Variants in NXN observed in about 807,000 individuals in gnomAD.
The protein encoded by NXN is nucleoredoxin 1.
NXN carries 16 observed loss-of-function variants against 48.6 expected under a neutral mutation model. That is an observed-to-expected ratio of 0.33 (90% CI 0.22 to 0.50). NXN has a LOEUF of 0.50. Ranked by LOEUF, NXN falls within the 20% of genes least tolerant of loss-of-function variation. The pLI is 0.98. For synonymous variants in NXN, 281 were observed against 269.6 expected, an observed-to-expected ratio of 1.04 and a Z score of -0.41; for missense variants, 492 against 605.5, an observed-to-expected ratio of 0.81 and a Z score of 1.97.
chr17:827,856 G>A (rs533985012), intron 1 of NXN, among the ~76,000 whole-genome samples: 11 of 152,276 alleles, frequency 7.2e-5, no homozygotes. Flanking sequence ...GGCATTGGTG[G>A]TGGGATGAGG....
rs554292683 is a variant in NXN at position 799,321 on chromosome 17, A to C, written c.*1628T>G. On this transcript the variant is annotated 3_prime_UTR_variant, in exon 8 of 8. Coordinates refer to ENST00000336868, the MANE Select transcript of NXN (RefSeq NM_022463.5). ...CAAGCAAAAACAACTTTTGTGATCA[A>C]GGACAGCAGAGGCCCAGGGTGGATG... 1 of 152,310 alleles carries C rather than the reference A, an allele frequency of 6.6e-6. No individual in the cohort carries two copies. The highest frequency in any genetic ancestry group is 2.4e-5 in the African/African-American group (1 of 41,452). The allele number at this position is 152,310 out of a possible 1,614,324, so 9.4% of individuals were successfully genotyped here. A position where few individuals can be genotyped will look rare whatever the true frequency, so the allele number is the denominator to read the frequency against.
chr17:940,128 C>G (rs535859253), intron 1 of NXN, among the ~76,000 whole-genome samples: 2 of 140,172 alleles, frequency 1.4e-5, no homozygotes, highest in Non-Finnish European at 3.2e-5. Flanking sequence ...TGGTAGAGAT[C>G]GAGGTGGGGG....
chr17:930,067 G>C (rs1257695939), intron 1 of NXN: 1 of 151,914 alleles, frequency 6.6e-6, no homozygotes, highest in Non-Finnish European at 1.5e-5. Context: ...CTGTGTAGCC[G>C]ACCCAGAGAA....
chr17:815,445 T>C (rs1290917885), intron 5 of NXN, among the ~76,000 whole-genome samples: 3 of 149,172 alleles, frequency 2.0e-5, no homozygotes, highest in Non-Finnish European at 4.4e-5. Flanking sequence ...CCCTAAGCTC[T>C]GTAGGTTTTG....
Position 932,097 on chromosome 17 carries a change from TTG to T in NXN, c.360+47220_360+47221del, listed in dbSNP as rs1485297849. ...AGACGGAGGTTGCAGTGAGCTGAGATTGCACCACTGCACTCCAGCCTGGGCAA... is the reference window on the plus strand; with the variant it reads ...AGACGGAGGTTGCAGTGAGCTGAGATCACCACTGCACTCCAGCCTGGGCAA... On this transcript the variant is annotated intron_variant, in intron 1 of 7. Coordinates refer to ENST00000336868, the MANE Select transcript of NXN (RefSeq NM_022463.5). The surrounding 1 kb of genome is among the most constrained non-coding windows in gnomAD (Gnocchi z 4.1). Among the ~76,000 whole-genome samples, 1 of 151,726 alleles carries T rather than the reference TTG, an allele frequency of 6.6e-6. No homozygotes were observed. Among genetic ancestry groups the T allele is most frequent in the South Asian group, 2.1e-4 (1 of 4,770 alleles).
intron 1 of NXN, among the ~76,000 whole-genome samples, chr17:853,893 T>C (rs2067955807): frequency 6.6e-6 from 1 of 151,754 alleles, no homozygotes; most frequent in African/African-American, 2.4e-5. Context: ...GGCTAAGTTT[T>C]GCATTTTTAT....
At chr17:884,097 TGTG>T (rs1429476975) in intron 1 of NXN, among the ~76,000 whole-genome samples, 1 of 151,904 alleles carries the variant, frequency 6.6e-6, no homozygotes, top group Non-Finnish European at 1.5e-5. Context: ...GGTGGGCGCC[TGTG>T]GTCCCAGCTA....
At chr17:852,526 G>C (rs2067935054) in intron 1 of NXN, among the ~76,000 whole-genome samples, 1 of 152,168 alleles carries the variant, frequency 6.6e-6, no homozygotes, top group Admixed American at 6.5e-5. Context: ...TCAGGGGAGG[G>C]GAAAAAAGAA....
chr17:840,473 G>A (rs1283843770), intron 1 of NXN, among the ~76,000 whole-genome samples: 1 of 152,120 alleles, frequency 6.6e-6, no homozygotes, highest in Admixed American at 6.5e-5. Flanking sequence ...CCAGGTAGCT[G>A]GGACTACAGG....
intron 1 of NXN, among the ~76,000 whole-genome samples, chr17:913,636 C>T (rs1409005437): frequency 1.4e-5 from 2 of 141,008 alleles, no homozygotes; most frequent in Non-Finnish European, 1.5e-5. Context: ...GACCGGGAAC[C>T]GATAAAGAGG....
At chr17:896,972 T>G (rs2068493577) in intron 1 of NXN, 1 of 1,186,968 alleles carries the variant, frequency 8.4e-7, no homozygotes, top group Non-Finnish European at 1.1e-6. Context: ...CAGTGACGCC[T>G]CTCCTAGGAA....
rs1912937315 is a variant in NXN at position 823,642 on chromosome 17, G to C, written c.602C>G (p.Ser201Cys). Residue 201 changes from serine to cysteine, a missense_variant, in exon 3 of 8, where the codon TCC (serine) becomes TGC (cysteine). Physicochemically the swap from Ser to Cys is moderately radical, Grantham distance 112 (BLOSUM62 -1). Coordinates refer to ENST00000336868, the MANE Select transcript of NXN (RefSeq NM_022463.5). ...LEGSHVGVYFSAHWCPPCRSL... is the reference protein window; with the variant it reads ...LEGSHVGVYFCAHWCPPCRSL... ...GGTCCAAACACTCACCCAATGTGCGGAGAAATAGACGCCCACGTGAGACCC... is the reference window on the plus strand; with the variant it reads ...GGTCCAAACACTCACCCAATGTGCGCAGAAATAGACGCCCACGTGAGACCC... 1 of 1,613,916 alleles carries C rather than the reference G, an allele frequency of 6.2e-7. No homozygotes were observed.
At chr17:856,609 G>A (rs1040828012) in intron 1 of NXN, among the ~76,000 whole-genome samples, 1 of 150,442 alleles carries the variant, frequency 6.6e-6, no homozygotes, top group African/African-American at 2.4e-5. Flanking sequence ...TCCTGCCTCA[G>A]CCTCCCGAGT....
intron 1 of NXN, among the ~76,000 whole-genome samples, chr17:967,035 C>T (rs1217242245): frequency 6.6e-6 from 1 of 152,076 alleles, no homozygotes; most frequent in Non-Finnish European, 1.5e-5. Flanking sequence ...ACTGGAAACA[C>T]CCCACACAGA....
At chr17:967,641 G>A (rs568189675) in intron 1 of NXN, among the ~76,000 whole-genome samples, 265 of 152,320 alleles carry the variant, frequency 1.7e-3, no homozygotes, top group Middle Eastern at 3.4e-3. Flanking sequence ...GAAACTATAG[G>A]TTAAAAGAGG....
intron 1 of NXN, among the ~76,000 whole-genome samples, chr17:976,934 T>G (rs921693777): frequency 6.6e-6 from 1 of 152,008 alleles, no homozygotes; most frequent in Non-Finnish European, 1.5e-5. Context: ...GTCTGGCTAA[T>G]TTTGTATTTT....
intron 1 of NXN, chr17:896,961 G>A (rs2068493376): frequency 8.3e-7 from 1 of 1,200,976 alleles, no homozygotes; most frequent in Non-Finnish European, 1.1e-6. Context: ...TAGGCCTGTT[G>A]CAGTGACGCC....
At chr17:934,213 A>C (rs2068882889) in intron 1 of NXN, among the ~76,000 whole-genome samples, 1 of 152,024 alleles carries the variant, frequency 6.6e-6, no homozygotes, top group Admixed American at 6.5e-5. Context: ...TGGGAGGCTC[A>C]GGCAGGCGGA....
At chr17:813,957 G>C (rs1048983874) in intron 5 of NXN, among the ~76,000 whole-genome samples, 2 of 137,340 alleles carry the variant, frequency 1.5e-5, no homozygotes, top group Admixed American at 7.9e-5. Context: ...AACAGAGCAA[G>C]ACTCTGTCTA....
Sources: gnomAD v4.1 joint callset for allele counts (sites outside exome capture counted in the v4.1 genomes callset) on GRCh38, gnomAD v4.1.1 for gene constraint, Gnocchi (gnomAD v3.1) non-coding constraint, MANE v1.5 for transcripts, NCBI Gene and HGNC (gene_info 2026-07-23, HGNC 2026-07-21) for gene names.